Variants in TNFSF13B observed in about 807,000 individuals in gnomAD.
The protein encoded by TNFSF13B is tumor necrosis factor ligand superfamily member 13B.
In TNFSF13B, 8 loss-of-function variants were observed where a neutral mutation model predicts 29.1. The observed-to-expected ratio is 0.27, with a 90% CI of 0.16 to 0.50. The LOEUF (loss-of-function observed/expected upper bound fraction) is 0.50, where lower values mean the gene tolerates loss of function less well. Among genes scored for constraint, TNFSF13B ranks in the 20% least tolerant of loss-of-function variants. The pLI is 0.98. For synonymous variants in TNFSF13B, 125 were observed against 130.8 expected (o/e 0.96, Z 0.30); for missense variants, 248 against 334.9 (o/e 0.74, Z 2.03).
intron 3 of TNFSF13B, among the ~76,000 whole-genome samples, chr13:108,294,837 C>T (rs892616249): frequency 2.1e-5 from 3 of 144,892 alleles, no homozygotes; most frequent in Admixed American, 6.8e-5. Context: ...GTAAAACCAT[C>T]TAGTTATGAA....
chr13:108,294,305 G>A (rs75465483), intron 3 of TNFSF13B, among the ~76,000 whole-genome samples: 4 of 151,262 alleles, frequency 2.6e-5, no homozygotes, highest in African/African-American at 4.9e-5. Flanking sequence ...TCAGCCTCCC[G>A]AGTAGCTGGG....
At chr13:108,273,466 G>A (rs1264552201) in intron 2 of TNFSF13B, among the ~76,000 whole-genome samples, 1 of 152,078 alleles carries the variant, frequency 6.6e-6, no homozygotes, top group Non-Finnish European at 1.5e-5. Context: ...ACTGTACATA[G>A]CGCCCTTTGT....
chr13:108,270,977 A>G (rs1366319390), intron 2 of TNFSF13B, among the ~76,000 whole-genome samples: 2 of 151,730 alleles, frequency 1.3e-5, no homozygotes, highest in Non-Finnish European at 2.9e-5. Flanking sequence ...ACACGCACAG[A>G]CACACACACA....
chr13:108,284,371 CAAACAA>C (rs1881062025), intron 2 of TNFSF13B, among the ~76,000 whole-genome samples: 1 of 97,180 alleles, frequency 1.0e-5, no homozygotes, highest in South Asian at 3.7e-4. Flanking sequence ...AATAAACAAA[CAAACAA>C]ACAAACAAAC....
intron 5 of TNFSF13B, 48 bp downstream of exon 5, chr13:108,303,652 T>C (rs189893847): frequency 5.9e-5 from 92 of 1,557,426 alleles, no homozygotes; most frequent in Non-Finnish European, 7.9e-5. Flanking sequence ...GAAGAGACTT[T>C]GACGAAAAAT....
At position 108,272,859 on chromosome 13, in the gene TNFSF13B, TA is replaced by T. The variant is rs540729998; in HGVS notation, c.424+2444del. Reference sequence around the variant, plus strand: ...TAAAAATAAACTTTAACTTTACAATTAAAAAAAAAGATGTAGACTCATTTCA... The same window carrying T: ...TAAAAATAAACTTTAACTTTACAATTAAAAAAAAGATGTAGACTCATTTCA... On this transcript the variant is annotated intron_variant, in intron 2 of 5. Transcript: ENST00000375887. 5.7e-3 allele frequency among the ~76,000 whole-genome samples: 858 copies of T among 150,638 alleles called. 6 individuals are homozygous for T. Among genetic ancestry groups the T allele is most frequent in the African/African-American group, 0.02 (806 of 41,162 alleles).
chr13:108,272,611 T>C (rs1054367107), intron 2 of TNFSF13B, among the ~76,000 whole-genome samples: 7 of 152,244 alleles, frequency 4.6e-5, no homozygotes, highest in African/African-American at 1.2e-4. Context: ...AATAGTTCTT[T>C]TTAACTCCTT....
At chr13:108,295,089 AT>A (rs1161813765) in intron 3 of TNFSF13B, among the ~76,000 whole-genome samples, 2 of 145,166 alleles carry the variant, frequency 1.4e-5, no homozygotes, top group African/African-American at 5.2e-5. Flanking sequence ...TAATTGGAGT[AT>A]TTTCTCTTTT....
intron 3 of TNFSF13B, 28 bp from the exon 4 acceptor site, chr13:108,303,225 T>A: frequency 2.0e-6 from 3 of 1,519,426 alleles, no homozygotes; most frequent in Non-Finnish European, 2.7e-6. Flanking sequence ...TTGGTTTCTT[T>A]CCTTATAAAT....
intron 2 of TNFSF13B, among the ~76,000 whole-genome samples, chr13:108,283,779 C>T (rs1881032150): frequency 6.6e-6 from 1 of 152,172 alleles, no homozygotes; most frequent in East Asian, 1.9e-4. Flanking sequence ...TGCTTCCTGG[C>T]TTGTAGATGA....
chr13:108,304,630 C>A lies in TNFSF13B; in HGVS notation c.745+1026C>A, dbSNP rs962934277. 3.9e-5 allele frequency among the ~76,000 whole-genome samples: 6 copies of A among 152,134 alleles called. No homozygotes were observed. The East Asian group carries it at 9.7e-4, about 24-fold the overall frequency. On this transcript the variant is annotated intron_variant, in intron 5 of 5. Coordinates refer to ENST00000375887, the MANE Select transcript of TNFSF13B (RefSeq NM_006573.5). ...TGTTGATTTTGTAAAAATCCAGAAC[C>A]CTGAGGAATGGCTTCAGTTCCAGAT... is the stretch of plus-strand genomic sequence containing the variant.
At position 108,286,745 on chromosome 13, in the gene TNFSF13B, C is replaced by T. The variant is rs1023853768; in HGVS notation, c.425-58C>T. ...AAGAGTGGGTTTCTAGCTTTGTGTTCTCAGTTTCTTTATTATTTCTACTCA... is the reference window on the plus strand; with the variant it reads ...AAGAGTGGGTTTCTAGCTTTGTGTTTTCAGTTTCTTTATTATTTCTACTCA... On this transcript the variant is annotated intron_variant, in intron 2 of 5. Coordinates refer to ENST00000375887, the MANE Select transcript of TNFSF13B (RefSeq NM_006573.5). 11 of 1,186,162 alleles carry T rather than the reference C, an allele frequency of 9.3e-6. 1 individual carries two copies. Among genetic ancestry groups the T allele is most frequent in the Non-Finnish European group, 1.3e-5 (11 of 831,206 alleles). The allele number at this position is 1,186,162 out of a possible 1,614,324, so 73.5% of individuals were successfully genotyped here.
At chr13:108,272,233 C>T (rs1880639312) in intron 2 of TNFSF13B, among the ~76,000 whole-genome samples, 1 of 152,068 alleles carries the variant, frequency 6.6e-6, no homozygotes, top group East Asian at 1.9e-4. Flanking sequence ...TAACTGTCTC[C>T]ACTTGTCTGT....
chr13:108,276,218 C>T (rs986669996), intron 2 of TNFSF13B, among the ~76,000 whole-genome samples: 1 of 152,216 alleles, frequency 6.6e-6, no homozygotes, highest in African/African-American at 2.4e-5. Flanking sequence ...GCCTCTTACC[C>T]AGCAAGGGTG....
At chr13:108,285,906 T>G (rs966572949) in intron 2 of TNFSF13B, among the ~76,000 whole-genome samples, 9 of 152,376 alleles carry the variant, frequency 5.9e-5, no homozygotes, top group Admixed American at 5.2e-4. Flanking sequence ...TATTGTATCT[T>G]CCCTACAGAT....
At chr13:108,283,435 T>C (rs1444337035) in intron 2 of TNFSF13B, among the ~76,000 whole-genome samples, 1 of 152,230 alleles carries the variant, frequency 6.6e-6, no homozygotes, top group Non-Finnish European at 1.5e-5. Context: ...AAGAAACTTT[T>C]CTCTTTAAAG....
chr13:108,293,401 A>G (rs1041112335), intron 3 of TNFSF13B, among the ~76,000 whole-genome samples: 2 of 152,182 alleles, frequency 1.3e-5, no homozygotes, highest in African/African-American at 4.8e-5. Context: ...TGTTTTGGCT[A>G]TTTGATACTC....
intron 3 of TNFSF13B, among the ~76,000 whole-genome samples, chr13:108,302,507 G>A (rs897515516): frequency 5.5e-5 from 8 of 144,346 alleles, no homozygotes; most frequent in East Asian, 2.2e-4. Context: ...ATGTCTGAAC[G>A]CACCTACAGA....
chr13:108,304,523 AT>A lies in TNFSF13B; in HGVS notation c.745+923del, dbSNP rs767680023. Among the ~76,000 whole-genome samples the A allele has an allele frequency of 3.3e-5, 5 of 152,214 alleles. No homozygotes were observed. In the East Asian group the frequency reaches 9.7e-4, roughly 29 times the overall value. On this transcript the variant is annotated intron_variant, in intron 5 of 5. Coordinates refer to ENST00000375887, the MANE Select transcript of TNFSF13B (RefSeq NM_006573.5). ...AGCTGTAATTGCCAACATTTCCTTC[AT>A]TTTATTTTTCAAGGGTGATTTAAAA...
Sources: allele counts gnomAD v4.1 joint callset (sites outside exome capture counted in the v4.1 genomes callset), GRCh38; gene constraint gnomAD v4.1.1; transcripts MANE v1.5; gene names NCBI Gene and HGNC (gene_info 2026-07-23, HGNC 2026-07-21).